Variants in MYO1B observed in about 807,000 individuals in gnomAD.
The protein encoded by MYO1B is unconventional myosin-Ib.
A neutral mutation model predicts 159.7 loss-of-function variants in MYO1B; 72 were observed. The ratio of observed to expected loss-of-function variants is 0.45; its 90% CI spans 0.37 to 0.55. The LOEUF (loss-of-function observed/expected upper bound fraction) is 0.55. MYO1B is among the 20% of genes least tolerant of loss of function. The pLI, the probability that MYO1B is intolerant of heterozygous loss-of-function variation, is 0.00. For missense variants in MYO1B, 1,062 were observed against 1,364.8 expected, an observed-to-expected ratio of 0.78 and a Z score of 3.50; for synonymous variants, 468 against 473.8, an observed-to-expected ratio of 0.99 and a Z score of 0.16.
At chr2:191,268,209 G>A (rs150719161) in intron 1 of MYO1B, among the ~76,000 whole-genome samples, 5 of 152,352 alleles carry the variant, frequency 3.3e-5, no homozygotes, top group East Asian at 1.9e-4. Flanking sequence ...TGGAGGCTGC[G>A]GAGTGGGAGA....
At chr2:191,309,156 C>T (rs1689833573) in intron 3 of MYO1B, among the ~76,000 whole-genome samples, 1 of 152,202 alleles carries the variant, frequency 6.6e-6, no homozygotes. Flanking sequence ...GCATCTCACA[C>T]CTTAGCACGC....
intron 3 of MYO1B, among the ~76,000 whole-genome samples, chr2:191,325,383 A>G (rs1574430272): frequency 6.6e-6 from 1 of 152,146 alleles, no homozygotes; most frequent in Non-Finnish European, 1.5e-5. Flanking sequence ...TTTGAAGAAA[A>G]TGACTTGAAA....
chr2:191,354,253 C>CT (rs1693118089), intron 7 of MYO1B, among the ~76,000 whole-genome samples: 1 of 120,740 alleles, frequency 8.3e-6, no homozygotes, highest in Non-Finnish European at 1.7e-5. Context: ...AAGACTCCGT[C>CT]TTAAATAATA....
At chr2:191,344,373 A>G (rs1692421488) in intron 5 of MYO1B, among the ~76,000 whole-genome samples, 1 of 152,210 alleles carries the variant, frequency 6.6e-6, no homozygotes, top group Non-Finnish European at 1.5e-5. Flanking sequence ...AAATTTCTTC[A>G]TTCTGTATAG....
chr2:191,423,751 G>A, intron 30 of MYO1B, 86 bp from the exon 31 acceptor site: 1 of 1,440,778 alleles, frequency 6.9e-7, no homozygotes. Flanking sequence ...GTCAAGATCA[G>A]TATCCATTAA....
chr2:191,385,743 G>T (rs1355360519), intron 15 of MYO1B, 141 bp from the exon 16 acceptor site: 1 of 869,720 alleles, frequency 1.1e-6, no homozygotes, highest in Non-Finnish European at 1.8e-6. Context: ...TTTTGTTATT[G>T]TTTTGAGTCT....
chr2:191,315,181 A>G (rs1346092859), intron 3 of MYO1B, among the ~76,000 whole-genome samples: 1 of 151,628 alleles, frequency 6.6e-6, no homozygotes, highest in African/African-American at 2.4e-5. Flanking sequence ...CCATCCATCC[A>G]TCCATCCATC....
At chr2:191,386,107 C>G (rs748480533) in intron 16 of MYO1B, 23 bp downstream of exon 16, 28 of 1,611,372 alleles carry the variant, frequency 1.7e-5, no homozygotes, top group Non-Finnish European at 2.4e-5. Flanking sequence ...TGTGAGCACC[C>G]AGTCAGGCCT....
chr2:191,323,844 A>G (rs966567939), intron 3 of MYO1B, among the ~76,000 whole-genome samples: 1 of 152,146 alleles, frequency 6.6e-6, no homozygotes, highest in Non-Finnish European at 1.5e-5. Flanking sequence ...GGAAAGCAAC[A>G]TGGCCACTTA....
chr2:191,400,491 G>T, intron 22 of MYO1B, 23 bp downstream of exon 22: 6 of 1,613,214 alleles, frequency 3.7e-6, no homozygotes, highest in Non-Finnish European at 5.1e-6. Flanking sequence ...CCCCAAGGAA[G>T]GCGGTGGGTC....
intron 13 of MYO1B, among the ~76,000 whole-genome samples, chr2:191,371,886 C>T (rs1424220263): frequency 1.3e-5 from 2 of 152,194 alleles, no homozygotes; most frequent in African/African-American, 4.8e-5. Flanking sequence ...GCTTGTATTG[C>T]TGCCCATTTA....
intron 2 of MYO1B, among the ~76,000 whole-genome samples, chr2:191,287,251 G>T (rs1281415450): frequency 1.3e-5 from 2 of 152,180 alleles, no homozygotes; most frequent in Non-Finnish European, 2.9e-5. Context: ...ACTCAGGCCA[G>T]GCGCGGTGGC....
chr2:191,295,872 A>T (rs897318069), intron 2 of MYO1B, among the ~76,000 whole-genome samples: 1 of 152,182 alleles, frequency 6.6e-6, no homozygotes, highest in African/African-American at 2.4e-5. Context: ...GTTCAGAGAT[A>T]TACTTTGAAA....
chr2:191,284,273 A>G (rs1195729210), intron 2 of MYO1B, among the ~76,000 whole-genome samples: 1 of 152,220 alleles, frequency 6.6e-6, no homozygotes, highest in African/African-American at 2.4e-5. Context: ...GTATATCCAT[A>G]GTGCAGAAAA....
chr2:191,388,515 C>CTA (rs1279020616), intron 17 of MYO1B, among the ~76,000 whole-genome samples: 2 of 152,050 alleles, frequency 1.3e-5, no homozygotes, highest in African/African-American at 4.8e-5. Flanking sequence ...TATGAGGAAA[C>CTA]TAGAGTGAAG....
At chr2:191,344,605 T>C (rs6760670) in intron 5 of MYO1B, among the ~76,000 whole-genome samples, 14,091 of 149,242 alleles carry the variant, frequency 0.094, 2,143 homozygotes, top group African/African-American at 0.33. Flanking sequence ...CCGAGGGGGG[T>C]GGATCACGAG....
At chr2:191,408,924 A>G (rs1697092425) in intron 25 of MYO1B, 120 bp from the exon 26 acceptor site, 2 of 1,128,388 alleles carry the variant, frequency 1.8e-6, no homozygotes, top group South Asian at 1.8e-5. Flanking sequence ...TTACAGTTCT[A>G]TAAATTCCAA....
Position 191,369,417 on chromosome 2 carries a change from C to G in MYO1B, c.1033-125C>G, listed in dbSNP as rs1428244041. On this transcript the variant is annotated intron_variant, in intron 11 of 30. Transcript: ENST00000392318. ...TTTGATTGTTTATGATACAAGAAAA[C>G]TGGTTCTGCAAAGATGTGAAATAAA... The G allele has an allele frequency of 5.8e-6, 4 of 684,178 alleles. No individual in the cohort carries two copies. The African/African-American group carries it at 7.2e-5, about 12-fold the overall frequency. 42.4% of individuals were successfully genotyped at this position (684,178 alleles called of 1,614,324 possible).
intron 13 of MYO1B, among the ~76,000 whole-genome samples, chr2:191,375,407 AGAG>A (rs1377063526): frequency 6.6e-6 from 1 of 152,040 alleles, no homozygotes; most frequent in Non-Finnish European, 1.5e-5. Context: ...TTATAATTGA[AGAG>A]GAAGGAAACA....
Sources: allele counts gnomAD v4.1 joint callset (sites outside exome capture counted in the v4.1 genomes callset), GRCh38; gene constraint gnomAD v4.1.1; transcripts MANE v1.5; gene names NCBI Gene and HGNC (gene_info 2026-07-23, HGNC 2026-07-21).